The following DST variants were observed in gnomAD, a reference collection of about 807,000 sequenced individuals.
DST encodes the protein bullous pemphigoid antigen.
DST carries 253 observed loss-of-function variants against 875.2 expected under a neutral mutation model. The ratio of observed to expected loss-of-function variants is 0.29; its 90% CI spans 0.26 to 0.32. The LOEUF (loss-of-function observed/expected upper bound fraction) is 0.32, where lower values mean the gene tolerates loss of function less well. Among genes scored for constraint, DST ranks in the 10% least tolerant of loss-of-function variants. The pLI, the probability that DST is intolerant of heterozygous loss-of-function variation, is 1.00. For synonymous variants in DST, 3,124 were observed against 3,197.1 expected (o/e 0.98, Z 0.77); for missense variants, 8,287 against 9,111.6 (o/e 0.91, Z 3.68).
intron 4 of DST, among the ~76,000 whole-genome samples, chr6:56,810,811 A>C (rs554266920): frequency 3.3e-4 from 51 of 152,284 alleles, no homozygotes; most frequent in African/African-American, 1.1e-3. Flanking sequence ...TAAGAAGAAC[A>C]AGATACAGCC....
intron 4 of DST, among the ~76,000 whole-genome samples, chr6:56,809,664 T>C (rs1173591438): frequency 2.6e-5 from 4 of 152,224 alleles, no homozygotes; most frequent in Admixed American, 6.5e-5. Flanking sequence ...ACATAGATCA[T>C]TGATAAAATC....
intron 2 of DST, among the ~76,000 whole-genome samples, chr6:56,940,734 C>T (rs1490806468): frequency 6.6e-6 from 1 of 151,590 alleles, no homozygotes. Context: ...CGCAAGCCAC[C>T]GTGCCTGGCT....
chr6:56,806,931 TATATA>T, intron 4 of DST, among the ~76,000 whole-genome samples: 1 of 152,336 alleles, frequency 6.6e-6, no homozygotes, highest in East Asian at 1.9e-4. Flanking sequence ...GATATGAGTC[TATATA>T]ATATACCTAT....
At chr6:56,480,031 A>G (rs2095348012) in intron 90 of DST, among the ~76,000 whole-genome samples, 1 of 152,146 alleles carries the variant, frequency 6.6e-6, no homozygotes. Flanking sequence ...GCATTTTGCT[A>G]TGTTAGACTG....
chr6:56,499,275 C>T (rs969283988), intron 80 of DST, among the ~76,000 whole-genome samples: 3 of 152,092 alleles, frequency 2.0e-5, no homozygotes, highest in Non-Finnish European at 4.4e-5. Flanking sequence ...ATCAGTAACC[C>T]TCTGACATCA....
rs1043922916 is a variant in DST, at chr6:56,799,350, A to C, written c.625+52047T>G. On this transcript the variant is annotated intron_variant, in intron 4 of 103. Transcript: ENST00000680361. ...AGCCCAGGCAACAGAGCAAGAAACT[A>C]TCTCTCTTTTTTTTTTTTTTAAATC... Among the ~76,000 whole-genome samples, 9 of 148,198 alleles carry C rather than the reference A, an allele frequency of 6.1e-5. No homozygotes were observed. The East Asian group carries it at 1.4e-3, about 23-fold the overall frequency.
intron 4 of DST, among the ~76,000 whole-genome samples, chr6:56,745,983 T>C (rs1051095650): frequency 1.3e-5 from 2 of 152,156 alleles, no homozygotes; most frequent in African/African-American, 4.8e-5. Context: ...GACTTTTTTA[T>C]TTTTTATTTT....
chr6:56,734,141 T>C (rs2099514356), intron 5 of DST, among the ~76,000 whole-genome samples: 1 of 152,226 alleles, frequency 6.6e-6, no homozygotes, highest in Non-Finnish European at 1.5e-5. Flanking sequence ...TGCGTCAGAA[T>C]TCACAATATA....
chr6:56,694,523 T>C (rs939420397), intron 9 of DST, among the ~76,000 whole-genome samples: 3 of 152,170 alleles, frequency 2.0e-5, no homozygotes, highest in Admixed American at 2.0e-4. Flanking sequence ...GATTTTTTTT[T>C]GTTTTTAACT....
intron 9 of DST, among the ~76,000 whole-genome samples, chr6:56,674,622 C>T (rs1000698984): frequency 6.6e-6 from 1 of 152,090 alleles, no homozygotes; most frequent in South Asian, 2.1e-4. Context: ...TTAAAACTTA[C>T]ATAATAACAA....
chr6:56,771,445 A>C (rs1297372401), intron 4 of DST, among the ~76,000 whole-genome samples: 1 of 152,222 alleles, frequency 6.6e-6, no homozygotes, highest in African/African-American at 2.4e-5. Context: ...GAGACACTAT[A>C]ATTTCCTGTA....
At chr6:56,934,073 C>T (rs1811596628) in intron 2 of DST, among the ~76,000 whole-genome samples, 1 of 152,040 alleles carries the variant, frequency 6.6e-6, no homozygotes, top group Non-Finnish European at 1.5e-5. Flanking sequence ...CACCATGCTG[C>T]TCAGGCTGGT....
intron 9 of DST, among the ~76,000 whole-genome samples, chr6:56,680,111 A>T (rs527820018): frequency 2.6e-5 from 4 of 152,054 alleles, no homozygotes; most frequent in South Asian, 4.2e-4. Flanking sequence ...ACTTAACACC[A>T]TCTCTCTCCC....
intron 4 of DST, among the ~76,000 whole-genome samples, chr6:56,830,501 A>G (rs1353128972): frequency 1.3e-5 from 2 of 152,018 alleles, no homozygotes; most frequent in Admixed American, 6.6e-5. Context: ...TTCTTTCCAT[A>G]TTTTCCCCAA....
At chr6:56,800,583 A>G (rs2099745510) in intron 4 of DST, among the ~76,000 whole-genome samples, 1 of 152,224 alleles carries the variant, frequency 6.6e-6, no homozygotes, top group Admixed American at 6.5e-5. Flanking sequence ...TAGAACAGAA[A>G]ATTAGGTTTT....
chr6:56,701,520 G>A (rs1397722913), intron 8 of DST, among the ~76,000 whole-genome samples: 2 of 151,976 alleles, frequency 1.3e-5, no homozygotes, highest in East Asian at 3.9e-4. Context: ...TATACTAAGT[G>A]TAAAAAATGA....
rs765765455 is a variant in DST at position 56,573,666 on chromosome 6, T to A, written c.13236+13A>T. On this transcript the variant is annotated intron_variant, in intron 51 of 103. Coordinates refer to ENST00000680361, the MANE Select transcript of DST (RefSeq NM_001374736.1). Reference sequence around the variant, plus strand: ...AAAAACTGAAAATGGGACTTTTTTTTAAAGTCACTTACAATGTTTTTACTG... The same window carrying A: ...AAAAACTGAAAATGGGACTTTTTTTAAAAGTCACTTACAATGTTTTTACTG... 34 of 1,585,654 alleles carry A rather than the reference T, an allele frequency of 2.1e-5. No homozygotes were observed. Among genetic ancestry groups the A allele is most frequent in the Non-Finnish European group, 2.7e-5 (31 of 1,159,124 alleles).
rs1562457372 is a variant in DST, at chr6:56,509,622, C to T, written c.19012+20G>A. 1.3e-6 allele frequency: 2 copies of T among 1,581,352 alleles called. No individual in the cohort carries two copies. The highest frequency in any genetic ancestry group is 1.7e-6 in the Non-Finnish European group (2 of 1,153,596). On this transcript the variant is annotated intron_variant, in intron 74 of 103. Transcript: ENST00000680361. ...ATTTAGAATGCTTTAAAATTTGTTT[C>T]CCTATTCCAAAAGTATTACCTTTGG...
chr6:56,528,195 A>G (rs576800486), intron 67 of DST, among the ~76,000 whole-genome samples: 2 of 152,186 alleles, frequency 1.3e-5, no homozygotes, highest in Non-Finnish European at 2.9e-5. Flanking sequence ...TTTGACACAC[A>G]GAAAAACTGT....
Sources: gnomAD v4.1 joint callset for allele counts (sites outside exome capture counted in the v4.1 genomes callset) on GRCh38, gnomAD v4.1.1 for gene constraint, MANE v1.5 for transcripts, NCBI Gene and HGNC (gene_info 2026-07-23, HGNC 2026-07-21) for gene names.